The following ADIPOQ variants were observed in gnomAD, a reference collection of about 807,000 sequenced individuals.
ADIPOQ encodes adiponectin, C1Q and collagen domain containing.
A neutral mutation model predicts 16.1 loss-of-function variants in ADIPOQ; 19 were observed. The observed-to-expected ratio is 1.18, with a 90% CI of 0.82 to 1.73. The LOEUF is 1.73. Ranked by LOEUF, ADIPOQ falls within the 40% of genes most tolerant of loss-of-function variation. The pLI is 0.00. For synonymous variants in ADIPOQ, 124 were observed against 125.5 expected (o/e 0.99, Z 0.08); for missense variants, 323 against 308.3 (o/e 1.05, Z -0.36).
In ADIPOQ at chr3:186,854,300, T is replaced by G; in HGVS notation, c.331T>G (p.Tyr111Asp). ...AGAACCTGGAGAAGGTGCCTATGTA[T>G]ACCGCTCAGCATTCAGTGTGGGATT... Reference protein sequence around the residue: ...KGEPGEGAYVYRSAFSVGLET... With the variant: ...KGEPGEGAYVDRSAFSVGLET... The change falls in exon 3 of 3, where the codon TAC becomes GAC. Residue 111 changes from tyrosine (Y) to aspartate (D), a missense_variant. Tyr to Asp is a radical substitution (Grantham distance 160). Coordinates refer to ENST00000320741, the MANE Select transcript of ADIPOQ (RefSeq NM_004797.4). 1 of 1,614,220 alleles carries G rather than the reference T, an allele frequency of 6.2e-7. No individual in the cohort carries two copies. The highest frequency in any genetic ancestry group is 1.1e-5 in the South Asian group (1 of 91,084).
chr3:186,850,448 C>T (rs1474306505), intron 1 of ADIPOQ, among the ~76,000 whole-genome samples: 1 of 152,022 alleles, frequency 6.6e-6, no homozygotes, highest in Non-Finnish European at 1.5e-5. Flanking sequence ...ATAACATATG[C>T]TGCCATGTGG....
rs202034914 is a variant in ADIPOQ at position 186,857,747 on chromosome 3, C to G, written c.*3043C>G. 53 of 152,198 alleles carry G rather than the reference C, an allele frequency of 3.5e-4. 1 individual carries two copies. Among genetic ancestry groups the G allele is most frequent in the African/African-American group, 1.3e-3 (53 of 41,526 alleles). The allele number at this position is 152,198 out of a possible 1,614,324, so 9.4% of individuals were successfully genotyped here. A position where few individuals can be genotyped will look rare whatever the true frequency, so the allele number is the denominator to read the frequency against. Reference sequence around the variant, plus strand: ...CTTTTGCTTCATATATTTTAGCGCTCTATTATTAGATATATACATGTTTAG... The same window carrying G: ...CTTTTGCTTCATATATTTTAGCGCTGTATTATTAGATATATACATGTTTAG... On this transcript the variant is annotated 3_prime_UTR_variant, in exon 3 of 3. Coordinates refer to ENST00000320741, the MANE Select transcript of ADIPOQ (RefSeq NM_004797.4).
intron 1 of ADIPOQ, among the ~76,000 whole-genome samples, chr3:186,844,650 C>T (rs886171600): frequency 6.6e-6 from 1 of 152,028 alleles, no homozygotes; most frequent in African/African-American, 2.4e-5. Context: ...CTCAAGTGAC[C>T]CTCCCATCTT....
In ADIPOQ at chr3:186,854,198, A is replaced by T. The variant is rs2087678750; in HGVS notation, c.229A>T (p.Lys77Ter). The T allele has an allele frequency of 6.2e-7, 1 of 1,613,292 alleles. No homozygotes were observed. The highest frequency in any genetic ancestry group is 8.5e-7 in the Non-Finnish European group (1 of 1,179,558). ...EKGDPGLIGPKGDIGETGVPG... is the reference protein window; with the variant it reads ...EKGDPGLIGP The stretch of plus-strand genomic sequence containing the variant: ...TCATTCCTTAGGTCTTATTGGTCCT[A>T]AGGGAGACATCGGTGAAACCGGAGT... The change falls in exon 3 of 3, where the codon AAG becomes TAG. Residue 77 changes from lysine (K) to a stop codon, truncating the protein, a stop_gained. Transcript: ENST00000320741. LOFTEE classifies it high-confidence loss of function.
chr3:186,854,319 T>C lies in ADIPOQ; in HGVS notation c.350T>C (p.Val117Ala). The change falls in exon 3 of 3, where the codon GTG becomes GCG. Residue 117 changes from valine to alanine, a missense_variant. Coordinates refer to ENST00000320741, the MANE Select transcript of ADIPOQ (RefSeq NM_004797.4). ...GAYVYRSAFS[V>A]GLETYVTIPN... is the part of the protein sequence containing the mutation. The stretch of plus-strand genomic sequence containing the variant: ...TATGTATACCGCTCAGCATTCAGTG[T>C]GGGATTGGAGACTTACGTTACTATC... 6.2e-7 allele frequency: 1 copy of C among 1,614,228 alleles called. No individual in the cohort carries two copies. Among genetic ancestry groups the C allele is most frequent in the East Asian group, 2.2e-5 (1 of 44,894 alleles).
At chr3:186,853,661 A>G (rs1294409370) in intron 2 of ADIPOQ, 3 of 282,198 alleles carry the variant, frequency 1.1e-5, no homozygotes, top group African/African-American at 4.4e-5. Flanking sequence ...TGATCTAGGT[A>G]AGATGTCTAA....
Position 186,855,144 on chromosome 3 carries a change from T to C in ADIPOQ, c.*440T>C. The C allele has an allele frequency of 4.6e-6, 1 of 217,110 alleles. No homozygotes were observed. The highest frequency in any genetic ancestry group is 9.3e-6 in the Non-Finnish European group (1 of 107,912). The allele number at this position is 217,110 out of a possible 1,614,324, so 13.4% of individuals were successfully genotyped here. On this transcript the variant is annotated 3_prime_UTR_variant, in exon 3 of 3. Coordinates refer to ENST00000320741, the MANE Select transcript of ADIPOQ (RefSeq NM_004797.4). ...CTTTGTTCACTAGACTGTGCCCTTT[T>C]ATAGAGGTACATGTTCTCTTTGGAG...
At chr3:186,848,380 T>A (rs1410565715) in intron 1 of ADIPOQ, among the ~76,000 whole-genome samples, 2 of 152,078 alleles carry the variant, frequency 1.3e-5, no homozygotes, top group Non-Finnish European at 2.9e-5. Context: ...TATTTTTATA[T>A]GTTTGTCGTT....
rs1301953732 is a variant in ADIPOQ, at chr3:186,854,545, T to C, written c.576T>C (p.Asn192=). The change falls in exon 3 of 3, where the codon AAT becomes AAC. Residue 192 remains asparagine (N), a synonymous_variant. Coordinates refer to ENST00000320741, the MANE Select transcript of ADIPOQ (RefSeq NM_004797.4). The stretch of plus-strand genomic sequence containing the variant: ...TCACCTATGATCAGTACCAGGAAAA[T>C]AATGTGGACCAGGCCTCCGGCTCTG... The part of the protein sequence containing the change: ...MLFTYDQYQE[N]NVDQASGSVL... 3.7e-6 allele frequency: 6 copies of C among 1,614,142 alleles called. No homozygotes were observed. Among genetic ancestry groups the C allele is most frequent in the Non-Finnish European group, 4.2e-6 (5 of 1,179,992 alleles).
chr3:186,851,159 T>A (rs1321643353), intron 1 of ADIPOQ, among the ~76,000 whole-genome samples: 5 of 152,186 alleles, frequency 3.3e-5, no homozygotes, highest in African/African-American at 4.8e-5. Context: ...CAAACCTAAT[T>A]CTGGAGACTT....
At chr3:186,851,435 G>A (rs552470001) in intron 1 of ADIPOQ, among the ~76,000 whole-genome samples, 1 of 152,202 alleles carries the variant, frequency 6.6e-6, no homozygotes, top group African/African-American at 2.4e-5. Flanking sequence ...AAGATCGGAG[G>A]CAGAATCTGA....
At chr3:186,844,603 G>T (rs1711530239) in intron 1 of ADIPOQ, among the ~76,000 whole-genome samples, 1 of 151,664 alleles carries the variant, frequency 6.6e-6, no homozygotes, top group African/African-American at 2.4e-5. Context: ...GAGTGCAGTG[G>T]TGCAATCACA....
chr3:186,854,685 TCTA>T lies in ADIPOQ; in HGVS notation c.718_720del (p.Tyr240del). 6 of 1,614,160 alleles carry T rather than the reference TCTA, an allele frequency of 3.7e-6. No individual in the cohort carries two copies. Among genetic ancestry groups the T allele is most frequent in the Non-Finnish European group, 5.1e-6 (6 of 1,180,040 alleles). On this transcript the variant is annotated inframe_deletion, in exon 3 of 3. Coordinates refer to ENST00000320741, the MANE Select transcript of ADIPOQ (RefSeq NM_004797.4). The stretch of plus-strand genomic sequence containing the variant: ...GACTCCACCTTCACAGGCTTTCTTC[TCTA>T]CCATGACACCAACTGATCACCACTA...
chr3:186,845,251 G>A (rs1711551464), intron 1 of ADIPOQ, among the ~76,000 whole-genome samples: 1 of 152,138 alleles, frequency 6.6e-6, no homozygotes, highest in Non-Finnish European at 1.5e-5. Context: ...GCTGAGTGAA[G>A]GCTTTCGGGC....
In ADIPOQ at chr3:186,854,201, G is replaced by A; in HGVS notation, c.232G>A (p.Gly78Arg). 6.2e-7 allele frequency: 1 copy of A among 1,613,404 alleles called. No homozygotes were observed. The highest frequency in any genetic ancestry group is 1.1e-5 in the South Asian group (1 of 91,002). The change falls in exon 3 of 3, where the codon GGA becomes AGA. Residue 78 changes from glycine (G) to arginine (R), a missense_variant. Gly to Arg is a moderately radical substitution (Grantham distance 125, BLOSUM62 -2). Coordinates refer to ENST00000320741, the MANE Select transcript of ADIPOQ (RefSeq NM_004797.4). The part of the protein sequence containing the change: ...KGDPGLIGPK[G>R]DIGETGVPGA... ...TTCCTTAGGTCTTATTGGTCCTAAG[G>A]GAGACATCGGTGAAACCGGAGTACC...
intron 1 of ADIPOQ, among the ~76,000 whole-genome samples, chr3:186,848,813 T>C (rs949336044): frequency 6.6e-6 from 1 of 152,162 alleles, no homozygotes; most frequent in Non-Finnish European, 1.5e-5. Flanking sequence ...ATTAGGCACG[T>C]TTGCACTGAC....
chr3:186,850,758 A>G (rs1252652269), intron 1 of ADIPOQ, among the ~76,000 whole-genome samples: 2 of 152,122 alleles, frequency 1.3e-5, no homozygotes, highest in Non-Finnish European at 2.9e-5. Context: ...AGAAAATGCC[A>G]AAGACAAAAT....
In ADIPOQ at chr3:186,858,341, T is replaced by C. The variant is rs1712089174; in HGVS notation, c.*3637T>C. 1 of 152,202 alleles carries C rather than the reference T, an allele frequency of 6.6e-6. No homozygotes were observed. The allele number at this position is 152,202 out of a possible 1,614,324, so 9.4% of individuals were successfully genotyped here. A position where few individuals can be genotyped will look rare whatever the true frequency, so the allele number is the denominator to read the frequency against. Reference sequence around the variant, plus strand: ...GTTACTTTAAATATATCTATATTATTGTATTTAAAATGTGTTTCTTACAGA... The same window carrying C: ...GTTACTTTAAATATATCTATATTATCGTATTTAAAATGTGTTTCTTACAGA... On this transcript the variant is annotated 3_prime_UTR_variant, in exon 3 of 3. Transcript: ENST00000320741.
At chr3:186,844,721 T>A (rs1461148003) in intron 1 of ADIPOQ, among the ~76,000 whole-genome samples, 2 of 151,424 alleles carry the variant, frequency 1.3e-5, no homozygotes, top group East Asian at 1.9e-4. Context: ...TTTTTAAAAA[T>A]TTTTTGTAGA....
Sources: gnomAD v4.1 joint callset for allele counts (sites outside exome capture counted in the v4.1 genomes callset) on GRCh38, gnomAD v4.1.1 for gene constraint, MANE v1.5 for transcripts, NCBI Gene and HGNC (gene_info 2026-07-23, HGNC 2026-07-21) for gene names.